The following DHX30 variants were observed in gnomAD, a reference collection of about 807,000 sequenced individuals.
DHX30 encodes ATP-dependent RNA helicase DHX30.
Under a neutral mutation model 116.9 loss-of-function variants are expected in DHX30, and 4 were observed. That is an observed-to-expected ratio of 0.03 (90% CI 0.02 to 0.08). The LOEUF (loss-of-function observed/expected upper bound fraction) is 0.08. DHX30 is among the 10% of genes least tolerant of loss of function. DHX30 has a pLI of 1.00. For missense variants in DHX30, 871 were observed against 1,595.1 expected, an observed-to-expected ratio of 0.55 and a Z score of 7.73; for synonymous variants, 697 against 651.7, an observed-to-expected ratio of 1.07 and a Z score of -1.06.
At position 47,843,109 on chromosome 3, in the gene DHX30, C is replaced by T. The variant is rs2037455754; in HGVS notation, c.793C>T (p.Leu265Phe). The T allele has an allele frequency of 6.2e-7, 1 of 1,614,214 alleles. No individual in the cohort carries two copies. The highest frequency in any genetic ancestry group is 8.5e-7 in the Non-Finnish European group (1 of 1,180,022). Residue 265 changes from leucine (L) to phenylalanine (F), a missense_variant, in exon 9 of 22, where the codon CTC becomes TTC. Physicochemically the swap from Leu to Phe is conservative, Grantham distance 22 (BLOSUM62 0). Coordinates refer to ENST00000445061, the MANE Select transcript of DHX30 (RefSeq NM_138615.3). ...IATSSSTAKN[L>F]MQFHTVGTKT... ...ATCTCTCTTGCCTTCCATGTAGAAC[C>T]TCATGCAGTTCCATACTGTGGGCAC...
rs753760779 is a variant in DHX30 at position 47,840,918 on chromosome 3, A to G, written c.408A>G (p.Ala136=). 10 of 1,614,062 alleles carry G rather than the reference A, an allele frequency of 6.2e-6. No homozygotes were observed. The highest frequency in any genetic ancestry group is 8.5e-6 in the Non-Finnish European group (10 of 1,180,034). ...GTCCCCGGAATGAGTTGTTTGACGC[A>G]GCCAAATACCGAGTGCTAGCTGATC... ...LLGPRNELFD[A]AKYRVLADRF... is the part of the protein sequence containing the mutation. Residue 136 remains alanine (A), a synonymous_variant, in exon 7 of 22, where the codon GCA becomes GCG. Coordinates refer to ENST00000445061, the MANE Select transcript of DHX30 (RefSeq NM_138615.3).
At chr3:47,842,990 G>C (rs2037450394) in intron 8 of DHX30, 116 bp from the exon 9 acceptor site, 1 of 1,320,138 alleles carries the variant, frequency 7.6e-7, no homozygotes, top group African/African-American at 1.5e-5. Context: ...CTCACGCCTG[G>C]CACCTGCTGA....
chr3:47,837,293 CAG>C (rs1419687626), intron 6 of DHX30, among the ~76,000 whole-genome samples: 1 of 152,274 alleles, frequency 6.6e-6, no homozygotes, highest in African/African-American at 2.4e-5. Flanking sequence ...TTCACTGTCA[CAG>C]GGGCAGAATG....
At chr3:47,844,160 T>C (rs1309452156) in intron 9 of DHX30, among the ~76,000 whole-genome samples, 1 of 152,210 alleles carries the variant, frequency 6.6e-6, no homozygotes, top group African/African-American at 2.4e-5. Flanking sequence ...TGCTTTACTC[T>C]GAATGGTCAG....
chr3:47,818,076 C>T lies in DHX30; in HGVS notation c.83C>T (p.Pro28Leu), dbSNP rs147205504. Residue 28 changes from proline (P) to leucine (L), a missense_variant, in exon 4 of 22, where the codon CCC becomes CTC. Pro to Leu is a moderately conservative substitution (Grantham distance 98, BLOSUM62 -3). Coordinates refer to ENST00000445061, the MANE Select transcript of DHX30 (RefSeq NM_138615.3). ...QCKLPPPRLPPMCVNPTPGGT... is the reference protein window; with the variant it reads ...QCKLPPPRLPLMCVNPTPGGT... Reference sequence around the variant, plus strand: ...AAACTTCCCCCACCCCGCCTTCCACCCATGTGTGTCAACCCTACCCCAGGA... The same window carrying T: ...AAACTTCCCCCACCCCGCCTTCCACTCATGTGTGTCAACCCTACCCCAGGA... 35 of 780,924 alleles carry T rather than the reference C, an allele frequency of 4.5e-5. No individual in the cohort carries two copies. The highest frequency in any genetic ancestry group is 7.7e-5 in the Non-Finnish European group (32 of 418,130). 48.4% of individuals were successfully genotyped at this position (780,924 alleles called of 1,614,324 possible). A position where few individuals can be genotyped will look rare whatever the true frequency, so the allele number is the denominator to read the frequency against.
chr3:47,849,965 G>A lies in DHX30; in HGVS notation c.3430G>A (p.Ala1144Thr). ...GCGGCTGCTGAAGGAGCTGCGGCGG[G>A]CCCTGGGCCGCATGGTGGAGCGGAG... is the stretch of plus-strand genomic sequence containing the variant. ...TVRLLKELRR[A>T]LGRMVERSLR... is the part of the protein sequence containing the mutation. Residue 1144 changes from alanine (A) to threonine (T), a missense_variant, in exon 22 of 22, where the codon GCC becomes ACC. By Grantham distance (58) the Ala-to-Thr change is moderately conservative (BLOSUM62 0). Transcript: ENST00000445061. The A allele has an allele frequency of 6.2e-7, 1 of 1,612,866 alleles. No individual in the cohort carries two copies. The highest frequency in any genetic ancestry group is 1.1e-5 in the South Asian group (1 of 91,048).
At position 47,842,032 on chromosome 3, in the gene DHX30, A is replaced by T. The variant is rs185688239; in HGVS notation, c.789+295A>T. ...AGGTGTGGGTCTTGGTGAGGTATGAATTTCTCTCTTGCTGCCAGGCGAAGG... is the reference window on the plus strand; with the variant it reads ...AGGTGTGGGTCTTGGTGAGGTATGATTTTCTCTCTTGCTGCCAGGCGAAGG... On this transcript the variant is annotated intron_variant, in intron 8 of 21. Coordinates refer to ENST00000445061, the MANE Select transcript of DHX30 (RefSeq NM_138615.3). 9 of 343,362 alleles carry T rather than the reference A, an allele frequency of 2.6e-5. 1 individual carries two copies. The highest frequency in any genetic ancestry group is 1.8e-4 in the South Asian group (3 of 16,830). The allele number at this position is 343,362 out of a possible 1,614,324, so 21.3% of individuals were successfully genotyped here. A position where few individuals can be genotyped will look rare whatever the true frequency, so the allele number is the denominator to read the frequency against.
intron 6 of DHX30, among the ~76,000 whole-genome samples, chr3:47,837,882 C>T (rs547337811): frequency 1.2e-3 from 180 of 152,252 alleles, no homozygotes; most frequent in Non-Finnish European, 1.1e-3. Context: ...GAGCTGTGGA[C>T]GAGCAATGGG....
chr3:47,847,010 C>T lies in DHX30; in HGVS notation c.1929+9C>T, dbSNP rs752354903. 3 of 1,602,502 alleles carry T rather than the reference C, an allele frequency of 1.9e-6. No homozygotes were observed. Among genetic ancestry groups the T allele is most frequent in the Non-Finnish European group, 2.6e-6 (3 of 1,173,624 alleles). ...GGCACCGGCACCATGAGGTGAGGGACACCCCCATCCCACCCAAGGCTCCTG... is the reference window on the plus strand; with the variant it reads ...GGCACCGGCACCATGAGGTGAGGGATACCCCCATCCCACCCAAGGCTCCTG... On this transcript the variant is annotated intron_variant, in intron 11 of 21. Coordinates refer to ENST00000445061, the MANE Select transcript of DHX30 (RefSeq NM_138615.3). This position sits in a 1 kb window ranked among gnomAD's most constrained non-coding sequence, Gnocchi z 5.5.
chr3:47,830,683 T>A (rs2036804783), intron 6 of DHX30: 1 of 152,242 alleles, frequency 6.6e-6, no homozygotes, highest in Non-Finnish European at 1.5e-5. Flanking sequence ...AATCTCGACC[T>A]CCCAGGCTCA....
At chr3:47,831,930 C>CTTTT (rs147733795) in intron 6 of DHX30, among the ~76,000 whole-genome samples, 2 of 127,466 alleles carry the variant, frequency 1.6e-5, no homozygotes, top group Admixed American at 8.5e-5. Flanking sequence ...TTTCCTTTTT[C>CTTTT]TTTTTTTTTT....
chr3:47,831,924 CTTTTTCTTTTT>C (rs2036873015), intron 6 of DHX30, among the ~76,000 whole-genome samples: 5 of 120,420 alleles, frequency 4.2e-5, no homozygotes, highest in Admixed American at 9.2e-5. Context: ...AGGCCTTTTC[CTTTTTCTTTTT>C]TTTTTTTTTT....
chr3:47,809,803 A>G (rs995086143), intron 2 of DHX30, among the ~76,000 whole-genome samples: 1 of 152,218 alleles, frequency 6.6e-6, no homozygotes, highest in Non-Finnish European at 1.5e-5. Context: ...AATGTTGGAC[A>G]TGATTCTGAT....
rs367667954 is a variant in DHX30 at position 47,827,450 on chromosome 3, C to T, written c.228C>T (p.Tyr76=). The T allele has an allele frequency of 1.2e-5, 20 of 1,613,486 alleles. No homozygotes were observed. The highest frequency in any genetic ancestry group is 1.0e-4 in the Admixed American group (6 of 59,934). ...GISHAKDKLV[Y]VHTNGPKKKK... Reference sequence around the variant, plus strand: ...CACATGCAAAAGACAAACTAGTCTACGTGCACACAAATGGACCGAAGAAAA... The same window carrying T: ...CACATGCAAAAGACAAACTAGTCTATGTGCACACAAATGGACCGAAGAAAA... The change falls in exon 5 of 22, where the codon TAC becomes TAT. Residue 76 remains tyrosine, a synonymous_variant. Transcript: ENST00000445061.
intron 6 of DHX30, among the ~76,000 whole-genome samples, chr3:47,836,301 T>C (rs958099020): frequency 3.3e-5 from 5 of 151,522 alleles, no homozygotes; most frequent in Non-Finnish European, 5.9e-5. Context: ...GGCCAATTTT[T>C]GTATTTCTAG....
intron 6 of DHX30, among the ~76,000 whole-genome samples, chr3:47,834,730 G>A (rs556993742): frequency 6.6e-6 from 1 of 152,164 alleles, no homozygotes; most frequent in African/African-American, 2.4e-5. Flanking sequence ...AAAGTGCTGG[G>A]ATTACAGGCA....
In DHX30 at chr3:47,805,023, G is replaced by A. The variant is rs1185185777; in HGVS notation, c.-122-303G>A. Among the ~76,000 whole-genome samples, 16 of 152,224 alleles carry A rather than the reference G, an allele frequency of 1.1e-4. 1 individual carries two copies. The highest frequency in any genetic ancestry group is 1.5e-5 in the Non-Finnish European group (1 of 68,040). On this transcript the variant is annotated intron_variant, in intron 1 of 21. Coordinates refer to ENST00000445061, the MANE Select transcript of DHX30 (RefSeq NM_138615.3). ...GGGATTAGAACTCAAAGTGGAAGTAGGTTTTGCTCTGGGCTTCCAGAAAAT... is the reference window on the plus strand; with the variant it reads ...GGGATTAGAACTCAAAGTGGAAGTAAGTTTTGCTCTGGGCTTCCAGAAAAT...
intron 6 of DHX30, among the ~76,000 whole-genome samples, chr3:47,840,630 T>G (rs2037330802): frequency 6.6e-6 from 1 of 152,002 alleles, no homozygotes; most frequent in Non-Finnish European, 1.5e-5. Context: ...AGCGAGACCC[T>G]GTGTCAAAAA....
In DHX30 at chr3:47,847,049, G is replaced by T; in HGVS notation, c.1929+48G>T. The stretch of plus-strand genomic sequence containing the variant: ...CCAAGGCTCCTGGCCTTTCCTCCGT[G>T]GATGCCCCTCCTCCCTGGCCCTGGG... On this transcript the variant is annotated intron_variant, in intron 11 of 21. Coordinates refer to ENST00000445061, the MANE Select transcript of DHX30 (RefSeq NM_138615.3). This position sits in a 1 kb window ranked among gnomAD's most constrained non-coding sequence, Gnocchi z 5.5. 3 of 1,575,470 alleles carry T rather than the reference G, an allele frequency of 1.9e-6. No individual in the cohort carries two copies. Among genetic ancestry groups the T allele is most frequent in the Non-Finnish European group, 2.6e-6 (3 of 1,158,992 alleles).
Sources: gnomAD v4.1 joint callset for allele counts (sites outside exome capture counted in the v4.1 genomes callset) on GRCh38, gnomAD v4.1.1 for gene constraint, Gnocchi (gnomAD v3.1) non-coding constraint, MANE v1.5 for transcripts, NCBI Gene and HGNC (gene_info 2026-07-23, HGNC 2026-07-21) for gene names.